Variants in B3GAT2 observed in about 807,000 individuals in gnomAD.
B3GAT2 encodes the protein beta-1,3-glucuronyltransferase 2.
A neutral mutation model predicts 27.8 loss-of-function variants in B3GAT2; 26 were observed. That is an observed-to-expected ratio of 0.93 (90% CI 0.68 to 1.30). The LOEUF is 1.30. Among genes scored for constraint, B3GAT2 ranks in the 50% most tolerant of loss-of-function variants. B3GAT2 has a pLI of 0.00. For synonymous variants in B3GAT2, 218 were observed against 195.1 expected (o/e 1.12, Z -0.98); for missense variants, 458 against 459.0 (o/e 1.00, Z 0.02).
intron 1 of B3GAT2, among the ~76,000 whole-genome samples, chr6:70,931,391 T>A (rs895534184): frequency 1.3e-5 from 2 of 152,126 alleles, no homozygotes; most frequent in African/African-American, 4.8e-5. Flanking sequence ...GGAGGCTTAT[T>A]TATTTAATAA....
At chr6:70,955,546 G>T (rs1765640512) in intron 1 of B3GAT2, among the ~76,000 whole-genome samples, 1 of 151,918 alleles carries the variant, frequency 6.6e-6, no homozygotes. Flanking sequence ...TCATTCCCGC[G>T]CCTCACACCT....
At chr6:70,930,395 G>A (rs1372144458) in intron 1 of B3GAT2, among the ~76,000 whole-genome samples, 1 of 152,178 alleles carries the variant, frequency 6.6e-6, no homozygotes, top group African/African-American at 2.4e-5. Context: ...TACCATCAGA[G>A]TGAATAGGCA....
intron 1 of B3GAT2, among the ~76,000 whole-genome samples, chr6:70,919,162 T>C (rs1772825771): frequency 1.3e-5 from 2 of 152,372 alleles, no homozygotes; most frequent in South Asian, 4.1e-4. Context: ...CAATCACTGA[T>C]ATCCTTTCTT....
chr6:70,867,964 G>A (rs1343657076), intron 2 of B3GAT2, among the ~76,000 whole-genome samples: 2 of 151,908 alleles, frequency 1.3e-5, no homozygotes, highest in Non-Finnish European at 2.9e-5. Context: ...ACCACTTGAG[G>A]ATTATCTCCA....
chr6:70,867,301 G>T (rs551454681), intron 2 of B3GAT2, among the ~76,000 whole-genome samples: 1 of 151,772 alleles, frequency 6.6e-6, no homozygotes, highest in Admixed American at 6.6e-5. Flanking sequence ...AGTAAATGGA[G>T]AAAACGACTA....
At chr6:70,899,173 A>G (rs562720000) in intron 1 of B3GAT2, among the ~76,000 whole-genome samples, 38 of 152,332 alleles carry the variant, frequency 2.5e-4, no homozygotes, top group African/African-American at 8.9e-4. Flanking sequence ...CATTAAAGGG[A>G]ATTAAAAAGA....
rs747295433 is a variant in B3GAT2, at chr6:70,858,065, G to C, written c.*3598C>G. On this transcript the variant is annotated 3_prime_UTR_variant, in exon 4 of 4. Transcript: ENST00000230053. The stretch of plus-strand genomic sequence containing the variant: ...GGGACAGAGTCCAAGCATGATGGTG[G>C]GCATGCCCATGCCCAATGGGTTTAT... 1 of 1,614,034 alleles carries C rather than the reference G, an allele frequency of 6.2e-7. No individual in the cohort carries two copies. The highest frequency in any genetic ancestry group is 8.5e-7 in the Non-Finnish European group (1 of 1,180,006).
At chr6:70,871,953 A>C (rs1771945134) in intron 2 of B3GAT2, among the ~76,000 whole-genome samples, 1 of 151,916 alleles carries the variant, frequency 6.6e-6, no homozygotes, top group Non-Finnish European at 1.5e-5. Flanking sequence ...TTTCTTAACA[A>C]ATTGATTTTT....
chr6:70,863,097 T>G (rs1771790394), intron 2 of B3GAT2, among the ~76,000 whole-genome samples: 1 of 152,244 alleles, frequency 6.6e-6, no homozygotes, highest in African/African-American at 2.4e-5. Context: ...TTTGAAGGTC[T>G]GAAGCCCTGG....
intron 1 of B3GAT2, among the ~76,000 whole-genome samples, chr6:70,941,612 TAGAATC>T (rs1765394969): frequency 6.6e-6 from 1 of 152,164 alleles, no homozygotes; most frequent in Non-Finnish European, 1.5e-5. Context: ...TAAAAGCTCT[TAGAATC>T]AGAGTAGGGA....
intron 1 of B3GAT2, among the ~76,000 whole-genome samples, chr6:70,954,919 G>GGGT (rs1016430880): frequency 1.3e-5 from 2 of 151,648 alleles, no homozygotes; most frequent in African/African-American, 2.4e-5. Context: ...GGGCGGCGGG[G>GGGT]GGGGGCGGTG....
rs141322733 is a variant in B3GAT2 at position 70,875,436 on chromosome 6, C to A, written c.737-13458G>T. On this transcript the variant is annotated intron_variant, in intron 2 of 3. Coordinates refer to ENST00000230053, the MANE Select transcript of B3GAT2 (RefSeq NM_080742.3). ...GCTATATAAAGGAATGTTTCCTTTG[C>A]TTATTTACTATCCCAAATTGCCACT... is the stretch of plus-strand genomic sequence containing the variant. Among the ~76,000 whole-genome samples the A allele has an allele frequency of 2.6e-3, 403 of 152,218 alleles. 4 individuals carry two copies. Among genetic ancestry groups the A allele is most frequent in the Middle Eastern group, 0.014 (4 of 294 alleles).
rs68188898 is a variant in B3GAT2 at position 70,858,287 on chromosome 6, C to CTT, written c.*3374_*3375dup. ...ATCAAACCAGATTTATTTTCTAAAT[C>CTT]TTTTTTTTTTTTTTTTTTTTTTTTT... On this transcript the variant is annotated 3_prime_UTR_variant, in exon 4 of 4. Transcript: ENST00000230053. The CTT allele has an allele frequency of 5.1e-4, 149 of 290,608 alleles. 2 individuals are homozygous for CTT. The highest frequency in any genetic ancestry group is 2.1e-3 in the African/African-American group (49 of 23,082). 18.0% of individuals were successfully genotyped at this position (290,608 alleles called of 1,614,324 possible). A position where few individuals can be genotyped will look rare whatever the true frequency, so the allele number is the denominator to read the frequency against.
At chr6:70,944,580 G>A (rs900028032) in intron 1 of B3GAT2, among the ~76,000 whole-genome samples, 1 of 152,174 alleles carries the variant, frequency 6.6e-6, no homozygotes, top group African/African-American at 2.4e-5. Context: ...GCTCCAACTG[G>A]GTGGAGGCCA....
At chr6:70,913,272 T>C in intron 1 of B3GAT2, among the ~76,000 whole-genome samples, 1 of 152,190 alleles carries the variant, frequency 6.6e-6, no homozygotes, top group Non-Finnish European at 1.5e-5. Flanking sequence ...ATTTGAGATC[T>C]TTCTAACTTT....
chr6:70,875,368 A>G (rs1010563135), intron 2 of B3GAT2, among the ~76,000 whole-genome samples: 3 of 152,226 alleles, frequency 2.0e-5, no homozygotes, highest in Non-Finnish European at 4.4e-5. Context: ...TTTAGGAATC[A>G]TTTCCACTAG....
intron 2 of B3GAT2, among the ~76,000 whole-genome samples, chr6:70,871,818 T>A (rs1192493673): frequency 6.6e-6 from 1 of 151,944 alleles, no homozygotes; most frequent in Admixed American, 6.6e-5. Context: ...TTTCTTCTTT[T>A]TAATGGAGGT....
At chr6:70,944,250 C>A (rs1008857711) in intron 1 of B3GAT2, among the ~76,000 whole-genome samples, 13 of 152,148 alleles carry the variant, frequency 8.5e-5, no homozygotes, top group African/African-American at 3.1e-4. Flanking sequence ...GCACACCGTG[C>A]CCAAGCGAAA....
rs1453667705 is a variant in B3GAT2 at position 70,857,996 on chromosome 6, G to A, written c.*3667C>T. 1.2e-6 allele frequency: 2 copies of A among 1,614,008 alleles called. No individual in the cohort carries two copies. The highest frequency in any genetic ancestry group is 2.7e-5 in the African/African-American group (2 of 74,918). ...TGCATTTCAGGGCTTTCCATCGATG[G>A]GCGTGCCTGTGCCTGCAGCTCCTGG... On this transcript the variant is annotated 3_prime_UTR_variant, in exon 4 of 4. Transcript: ENST00000230053.
Sources: gnomAD v4.1 joint callset for allele counts (sites outside exome capture counted in the v4.1 genomes callset) on GRCh38, gnomAD v4.1.1 for gene constraint, MANE v1.5 for transcripts, NCBI Gene and HGNC (gene_info 2026-07-23, HGNC 2026-07-21) for gene names.